The following IQCH variants were observed in gnomAD, a reference collection of about 807,000 sequenced individuals.
The protein encoded by IQCH is IQ motif containing H.
Under a neutral mutation model 117.0 loss-of-function variants are expected in IQCH, and 98 were observed. That is an observed-to-expected ratio of 0.84 (90% CI 0.71 to 0.99). The LOEUF (loss-of-function observed/expected upper bound fraction) is 0.99, where lower values mean the gene tolerates loss of function less well. Among genes scored for constraint, IQCH ranks in the 50% least tolerant of loss-of-function variants. The pLI, the probability that IQCH is intolerant of heterozygous loss-of-function variation, is 0.00. For synonymous variants in IQCH, 412 were observed against 448.2 expected (o/e 0.92, Z 1.02); for missense variants, 1,102 against 1,243.8 (o/e 0.89, Z 1.72).
chr15:67,348,327 C>T (rs1596233005), intron 6 of IQCH, among the ~76,000 whole-genome samples: 2 of 148,764 alleles, frequency 1.3e-5, no homozygotes, highest in Non-Finnish European at 3.0e-5. Context: ...GCAAACAGCA[C>T]AATTACTGCA....
rs564260584 is a variant in IQCH, at chr15:67,426,756, T to C, written c.2505+5179T>C. Among the ~76,000 whole-genome samples, 1 of 152,274 alleles carries C rather than the reference T, an allele frequency of 6.6e-6. No individual in the cohort carries two copies. Among genetic ancestry groups the C allele is most frequent in the East Asian group, 1.9e-4 (1 of 5,190 alleles). On this transcript the variant is annotated intron_variant, in intron 16 of 20. Coordinates refer to ENST00000335894, the MANE Select transcript of IQCH (RefSeq NM_001031715.3). The surrounding 1 kb of genome is among the most constrained non-coding windows in gnomAD (Gnocchi z 5.1). ...TGGGAGGCTGAGGCAGGAGAATTGC[T>C]TGAGCTCAGGAGTTCAATACCAGCC...
chr15:67,439,093 T>C (rs1228675380), intron 16 of IQCH, among the ~76,000 whole-genome samples: 1 of 152,204 alleles, frequency 6.6e-6, no homozygotes, highest in East Asian at 1.9e-4. Flanking sequence ...ATCCAACAAC[T>C]GCAGAATACA....
chr15:67,451,470 T>C (rs1374922720), intron 16 of IQCH, among the ~76,000 whole-genome samples: 1 of 152,218 alleles, frequency 6.6e-6, no homozygotes, highest in Non-Finnish European at 1.5e-5. Flanking sequence ...TCTGCCTTCA[T>C]TTCATTATTT....
intron 4 of IQCH, among the ~76,000 whole-genome samples, chr15:67,318,464 C>T (rs563224681): frequency 1.3e-5 from 2 of 152,240 alleles, no homozygotes; most frequent in East Asian, 3.9e-4. Context: ...CAGTTCTTCC[C>T]ACATTAATCT....
Position 67,407,844 on chromosome 15 carries a change from C to A in IQCH, c.2097+7539C>A, listed in dbSNP as rs1278288447. 6.6e-6 allele frequency: 1 copy of A among 152,168 alleles called. No homozygotes were observed. Among genetic ancestry groups the A allele is most frequent in the East Asian group, 1.9e-4 (1 of 5,200 alleles). The allele number at this position is 152,168 out of a possible 1,614,324, so 9.4% of individuals were successfully genotyped here. ...GTCTGGAAACACTCTACCTTCCAGC[C>A]ATTAGCTCTCACTAATTCATAGCAT... On this transcript the variant is annotated intron_variant, in intron 14 of 20. Transcript: ENST00000335894. The surrounding 1 kb of genome is among the most constrained non-coding windows in gnomAD (Gnocchi z 5.3).
At chr15:67,448,381 C>T (rs1428622546) in intron 16 of IQCH, among the ~76,000 whole-genome samples, 1 of 128,516 alleles carries the variant, frequency 7.8e-6, no homozygotes, top group African/African-American at 2.9e-5. Context: ...CCCCGCCCCC[C>T]ACCCCACAAT....
rs2083124733 is a variant in IQCH at position 67,473,563 on chromosome 15, T to G, written c.2677-2133T>G. ...AGTGTCTTTCTTAAATTACATACTT[T>G]GAAGAGTCTCTTAAGTCAGAGGGAA... On this transcript the variant is annotated intron_variant, in intron 17 of 20. Coordinates refer to ENST00000335894, the MANE Select transcript of IQCH (RefSeq NM_001031715.3). This position sits in a 1 kb window ranked among gnomAD's most constrained non-coding sequence, Gnocchi z 4.9. Among the ~76,000 whole-genome samples, 1 of 152,254 alleles carries G rather than the reference T, an allele frequency of 6.6e-6. No homozygotes were observed. The highest frequency in any genetic ancestry group is 2.4e-5 in the African/African-American group (1 of 41,472).
rs141153527 is a variant in IQCH at position 67,266,709 on chromosome 15, G to T, written c.269+3493G>T. Among the ~76,000 whole-genome samples, 104 of 152,238 alleles carry T rather than the reference G, an allele frequency of 6.8e-4. 4 individuals are homozygous for T. The East Asian group carries it at 0.012, about 18-fold the overall frequency. On this transcript the variant is annotated intron_variant, in intron 3 of 20. Transcript: ENST00000335894. Reference sequence around the variant, plus strand: ...ATACTCTATACTTAGGTGAGGTTCAGCATTGATGATAGGTATAAGTCCATA... The same window carrying T: ...ATACTCTATACTTAGGTGAGGTTCATCATTGATGATAGGTATAAGTCCATA...
intron 4 of IQCH, among the ~76,000 whole-genome samples, chr15:67,320,180 C>T (rs991931384): frequency 2.6e-5 from 4 of 152,254 alleles, no homozygotes; most frequent in Non-Finnish European, 5.9e-5. Context: ...CCCAGCAGTT[C>T]TGCAGCTGCC....
intron 8 of IQCH, among the ~76,000 whole-genome samples, chr15:67,367,540 A>G (rs901112414): frequency 3.9e-5 from 6 of 152,152 alleles, no homozygotes; most frequent in Non-Finnish European, 8.8e-5. Flanking sequence ...CCCTGTCTCT[A>G]AAAATAATAA....
intron 12 of IQCH, among the ~76,000 whole-genome samples, chr15:67,394,084 A>G (rs1971377427): frequency 6.6e-6 from 1 of 152,086 alleles, no homozygotes; most frequent in South Asian, 2.1e-4. Flanking sequence ...AAGCCCCATC[A>G]CTTTCCTGTG....
rs1387230182 is a variant in IQCH at position 67,421,287 on chromosome 15, C to T, written c.2219-4C>T. On this transcript the variant is annotated splice_polypyrimidine_tract_variant and splice_region_variant and intron_variant, in intron 15 of 20. Transcript: ENST00000335894. Reference sequence around the variant, plus strand: ...TTTCACCTACTCCATGTTTTTCCCACCAGGGGGTGTGATCGAAGCATTCCC... The same window carrying T: ...TTTCACCTACTCCATGTTTTTCCCATCAGGGGGTGTGATCGAAGCATTCCC... 1.9e-6 allele frequency: 3 copies of T among 1,612,006 alleles called. No individual in the cohort carries two copies. In the African/African-American group the frequency reaches 4.0e-5, roughly 22 times the overall value.
At chr15:67,338,063 A>G (rs1383596705) in intron 5 of IQCH, among the ~76,000 whole-genome samples, 3 of 152,230 alleles carry the variant, frequency 2.0e-5, no homozygotes, top group Non-Finnish European at 4.4e-5. Context: ...TAGTTAGCTT[A>G]TGTAATATTT....
Position 67,406,919 on chromosome 15 carries a change from GTTGTTA to G in IQCH, c.2097+6617_2097+6622del, listed in dbSNP as rs1348511319. On this transcript the variant is annotated intron_variant, in intron 14 of 20. Transcript: ENST00000335894. This position sits in a 1 kb window ranked among gnomAD's most constrained non-coding sequence, Gnocchi z 4.5. ...TTAAGAAATGCTACCTATTATTATT[GTTGTTA>G]TTATTACCATAAAATTGTATTATAA... is the stretch of plus-strand genomic sequence containing the variant. 6.6e-6 allele frequency: 1 copy of G among 152,170 alleles called. No individual in the cohort carries two copies. The highest frequency in any genetic ancestry group is 1.5e-5 in the Non-Finnish European group (1 of 68,020). The allele number at this position is 152,170 out of a possible 1,614,324, so 9.4% of individuals were successfully genotyped here. A position where few individuals can be genotyped will look rare whatever the true frequency, so the allele number is the denominator to read the frequency against.
At chr15:67,389,548 C>G (rs1567148600) in intron 12 of IQCH, among the ~76,000 whole-genome samples, 2 of 151,728 alleles carry the variant, frequency 1.3e-5, no homozygotes, top group Non-Finnish European at 1.5e-5. Flanking sequence ...TATTCCTAGA[C>G]AAGAACCATT....
intron 6 of IQCH, among the ~76,000 whole-genome samples, chr15:67,357,100 C>A (rs8030142): frequency 6.6e-6 from 1 of 152,008 alleles, no homozygotes; most frequent in African/African-American, 2.4e-5. Context: ...GCCTTTTTAT[C>A]TAGGCAGTTT....
rs777889452 is a variant in IQCH, at chr15:67,421,436, C to T, written c.2364C>T (p.Thr788=). The change falls in exon 16 of 21, where the codon ACC becomes ACT. Residue 788 remains threonine, a synonymous_variant. Coordinates refer to ENST00000335894, the MANE Select transcript of IQCH (RefSeq NM_001031715.3). The part of the protein sequence containing the change: ...AESPFISSGT[T]VPQTSVDPQV... ...GCCCCTTCATCTCCTCTGGTACCAC[C>T]GTGCCTCAGACCTCAGTGGATCCCC... The T allele has an allele frequency of 9.3e-6, 15 of 1,614,068 alleles. No homozygotes were observed. The highest frequency in any genetic ancestry group is 3.3e-5 in the Admixed American group (2 of 60,008).
In IQCH at chr15:67,357,300, G is replaced by A. The variant is rs950325560; in HGVS notation, c.638-45G>A. 9 of 1,323,708 alleles carry A rather than the reference G, an allele frequency of 6.8e-6. No homozygotes were observed. The Admixed American group carries it at 1.3e-4, about 20-fold the overall frequency. 82.0% of individuals were successfully genotyped at this position (1,323,708 alleles called of 1,614,324 possible). On this transcript the variant is annotated intron_variant, in intron 6 of 20. Transcript: ENST00000335894. ...CCAATAGCATCCAACCAGTGACTCA[G>A]CCTCTTCTTCTGGAAAAGGTAACAT...
rs761122287 is a variant in IQCH at position 67,434,187 on chromosome 15, T to TTCA, written c.2505+12613_2505+12615dup. 2.0e-5 allele frequency among the ~76,000 whole-genome samples: 3 copies of TTCA among 152,306 alleles called. No individual in the cohort carries two copies. In the East Asian group the frequency reaches 5.8e-4, roughly 29 times the overall value. ...CTATACGTTAGGTCTCCAGAATTCA[T>TTCA]TCATCTTATAACTGAAGGTTTGTAC... On this transcript the variant is annotated intron_variant, in intron 16 of 20. Coordinates refer to ENST00000335894, the MANE Select transcript of IQCH (RefSeq NM_001031715.3).
Sources: gnomAD v4.1 joint callset for allele counts (sites outside exome capture counted in the v4.1 genomes callset) on GRCh38, gnomAD v4.1.1 for gene constraint, Gnocchi (gnomAD v3.1) non-coding constraint, MANE v1.5 for transcripts, NCBI Gene and HGNC (gene_info 2026-07-23, HGNC 2026-07-21) for gene names.